ADGRV1: variants seen among roughly 807,000 people sequenced by gnomAD.
ADGRV1 encodes the protein G-protein coupled receptor 98.
Under a neutral mutation model 596.2 loss-of-function variants are expected in ADGRV1, and 359 were observed. The observed-to-expected ratio is 0.60, with a 90% confidence interval of 0.55 to 0.66. ADGRV1 has a LOEUF of 0.66. Among genes scored for constraint, ADGRV1 ranks in the 30% least tolerant of loss-of-function variants. The pLI is 0.00. For synonymous variants in ADGRV1, 2,681 were observed against 2,679.2 expected (o/e 1.00, Z -0.02); for missense variants, 7,274 against 7,575.6 (o/e 0.96, Z 1.48).
chr5:90,617,702 C>G, intron 2 of ADGRV1, 102 bp from the exon 3 acceptor site: 2 of 944,352 alleles, frequency 2.1e-6, no homozygotes, highest in Middle Eastern at 2.5e-4. Flanking sequence ...ACATAAATGT[C>G]ACTTGATTTA....
intron 83 of ADGRV1, among the ~76,000 whole-genome samples, chr5:90,957,665 T>C (rs954074052): frequency 1.3e-5 from 2 of 148,632 alleles, no homozygotes; most frequent in African/African-American, 4.9e-5. Context: ...TATGTGTATA[T>C]ATATTACTAT....
In ADGRV1 at chr5:90,706,476, A is replaced by G. The variant is rs77614337; in HGVS notation, c.8730+82A>G. The G allele has an allele frequency of 0.072, 88,704 of 1,228,956 alleles. 3,751 individuals are homozygous for G. Among genetic ancestry groups the G allele is most frequent in the South Asian group, 0.13 (7,598 of 60,388 alleles). 76.1% of individuals were successfully genotyped at this position (1,228,956 alleles called of 1,614,324 possible). On this transcript the variant is annotated intron_variant, in intron 38 of 89. Coordinates refer to ENST00000405460, the MANE Select transcript of ADGRV1 (RefSeq NM_032119.4). ...ATTATACTTTAAGTTTTAGTGTACA[A>G]GTGCACAATGTGCAGGTTTGTTACA...
intron 16 of ADGRV1, 34 bp from the exon 17 acceptor site, chr5:90,647,464 A>C: frequency 4.4e-6 from 7 of 1,576,410 alleles, no homozygotes; most frequent in Non-Finnish European, 6.0e-6. Flanking sequence ...GGAATCAGAA[A>C]AGCTCATGTG....
At chr5:90,668,005 C>G (rs1260250881) in intron 21 of ADGRV1, among the ~76,000 whole-genome samples, 2 of 151,826 alleles carry the variant, frequency 1.3e-5, no homozygotes, top group East Asian at 3.9e-4. Context: ...AACCACTGCT[C>G]TCTTCAAAGC....
At chr5:91,096,336 A>G (rs1790863524) in intron 86 of ADGRV1, among the ~76,000 whole-genome samples, 1 of 152,236 alleles carries the variant, frequency 6.6e-6, no homozygotes, top group Non-Finnish European at 1.5e-5. Flanking sequence ...TACTTTCTTT[A>G]AAAATGGCAG....
At chr5:90,612,716 G>A (rs924000491) in intron 1 of ADGRV1, among the ~76,000 whole-genome samples, 1 of 151,942 alleles carries the variant, frequency 6.6e-6, no homozygotes, top group Non-Finnish European at 1.5e-5. Flanking sequence ...TTTTTCTTCC[G>A]AATGCACAAA....
At chr5:90,733,970 T>C (rs1167407788) in intron 50 of ADGRV1, among the ~76,000 whole-genome samples, 2 of 152,190 alleles carry the variant, frequency 1.3e-5, no homozygotes, top group Non-Finnish European at 2.9e-5. Flanking sequence ...TACCCTTTGC[T>C]ATGAATTCAA....
intron 34 of ADGRV1, among the ~76,000 whole-genome samples, chr5:90,701,584 G>T (rs532523387): frequency 9.5e-4 from 144 of 151,868 alleles, no homozygotes; most frequent in Non-Finnish European, 1.8e-3. Flanking sequence ...ATGTGCGTGT[G>T]TGTGCGCATG....
chr5:90,609,745 A>C (rs10044044), intron 1 of ADGRV1, among the ~76,000 whole-genome samples: 1 of 151,870 alleles, frequency 6.6e-6, no homozygotes, highest in Non-Finnish European at 1.5e-5. Context: ...TGGTCACACC[A>C]TGGGAAGATG....
intron 30 of ADGRV1, among the ~76,000 whole-genome samples, 191 bp downstream of exon 30, chr5:90,690,267 A>G (rs1746297297): frequency 1.3e-5 from 2 of 152,216 alleles, no homozygotes; most frequent in Admixed American, 1.3e-4. Flanking sequence ...AAATTAAATC[A>G]ATCTCTTAGC....
intron 85 of ADGRV1, among the ~76,000 whole-genome samples, chr5:91,010,982 A>G (rs1782673187): frequency 6.6e-6 from 1 of 151,980 alleles, no homozygotes; most frequent in South Asian, 2.1e-4. Flanking sequence ...TCTTAGAGAA[A>G]GATATTGAAT....
intron 83 of ADGRV1, among the ~76,000 whole-genome samples, chr5:90,960,944 C>T (rs2150951584): frequency 6.6e-6 from 1 of 152,096 alleles, no homozygotes; most frequent in African/African-American, 2.4e-5. Flanking sequence ...TCTTTGAATC[C>T]CCACAAGCAG....
chr5:90,928,862 C>T (rs1386219707), intron 83 of ADGRV1, among the ~76,000 whole-genome samples: 2 of 148,568 alleles, frequency 1.3e-5, no homozygotes, highest in Non-Finnish European at 3.0e-5. Flanking sequence ...ACAGGACCCT[C>T]AGCTGCAGGT....
intron 83 of ADGRV1, among the ~76,000 whole-genome samples, chr5:90,958,724 C>T (rs1004882833): frequency 2.6e-5 from 4 of 152,090 alleles, no homozygotes; most frequent in African/African-American, 9.7e-5. Flanking sequence ...TGTAAGGATA[C>T]CAATCATAAT....
chr5:90,817,553 T>C (rs371695071), intron 75 of ADGRV1, among the ~76,000 whole-genome samples: 5,712 of 149,920 alleles, frequency 0.038, 394 homozygotes, highest in African/African-American at 0.14. Flanking sequence ...TTAGGTCTAA[T>C]GTTTAAGTCT....
At chr5:90,864,438 C>T (rs76229179) in intron 83 of ADGRV1, among the ~76,000 whole-genome samples, 2,401 of 152,208 alleles carry the variant, frequency 0.016, 37 homozygotes, top group Middle Eastern at 0.031. Context: ...TTTTTCTATC[C>T]ATACGGTGTT....
chr5:90,829,008 A>G lies in ADGRV1; in HGVS notation c.16433A>G (p.Asn5478Ser), dbSNP rs374497997. ...LYEATAGAAI[N>S]NSARFAQIKI... ...GAAGCTACTGCTGGAGCAGCAATAAACAACAGTGCCAGATTCGCACAGATT... is the reference window on the plus strand; with the variant it reads ...GAAGCTACTGCTGGAGCAGCAATAAGCAACAGTGCCAGATTCGCACAGATT... Residue 5478 changes from asparagine to serine, a missense_variant, in exon 77 of 90, where the codon AAC becomes AGC. By Grantham distance (46) the Asn-to-Ser change is conservative. Coordinates refer to ENST00000405460, the MANE Select transcript of ADGRV1 (RefSeq NM_032119.4). 3.1e-6 allele frequency: 5 copies of G among 1,609,340 alleles called. No homozygotes were observed. Among genetic ancestry groups the G allele is most frequent in the Non-Finnish European group, 4.2e-6 (5 of 1,177,018 alleles).
chr5:91,087,699 C>T (rs188188754), intron 86 of ADGRV1, among the ~76,000 whole-genome samples: 1 of 152,204 alleles, frequency 6.6e-6, no homozygotes, highest in Non-Finnish European at 1.5e-5. Context: ...TTATCTGGAA[C>T]TGTTCGAAGT....
chr5:90,835,009 G>A (rs75058596), intron 77 of ADGRV1, among the ~76,000 whole-genome samples: 6,986 of 138,640 alleles, frequency 0.05, 571 homozygotes, highest in African/African-American at 0.18. Flanking sequence ...CTTCCAATCC[G>A]TGAACATGAA....
Sources: allele counts gnomAD v4.1 joint callset (sites outside exome capture counted in the v4.1 genomes callset), GRCh38; gene constraint gnomAD v4.1.1; transcripts MANE v1.5; gene names NCBI Gene and HGNC (gene_info 2026-07-23, HGNC 2026-07-21).